Variants in FOXC2 observed in about 807,000 individuals in gnomAD.
FOXC2 encodes the protein forkhead box C2.
Under a neutral mutation model 7.2 loss-of-function variants are expected in FOXC2, and 7 were observed. That is an observed-to-expected ratio of 0.97 (90% CI 0.55 to 1.81). The LOEUF (loss-of-function observed/expected upper bound fraction) is 1.81, where lower values mean the gene tolerates loss of function less well. Ranked by LOEUF, FOXC2 falls within the 40% of genes most tolerant of loss-of-function variation. The pLI is 0.00. For synonymous variants in FOXC2, 436 were observed against 350.4 expected (o/e 1.24, Z -2.73); for missense variants, 846 against 741.2 (o/e 1.14, Z -1.64).
In FOXC2 at chr16:86,568,080, G is replaced by A; in HGVS notation, c.745G>A (p.Ala249Thr). Reference sequence around the variant, plus strand: ...CCCGCGCAGCGCGGCCTCCACGCCCGCCGGCTCCCCCGACGGCTCGCTGCC... The same window carrying A: ...CCCGCGCAGCGCGGCCTCCACGCCCACCGGCTCCCCCGACGGCTCGCTGCC... ...GSPRSAASTPAGSPDGSLPEH... is the reference protein window; with the variant it reads ...GSPRSAASTPTGSPDGSLPEH... The change falls in exon 1 of 1, where the codon GCC (alanine) becomes ACC (threonine). Residue 249 changes from alanine to threonine, a missense_variant. This residue lies in a region of FOXC2 where 640 missense variants were observed against 503.2 expected (regional missense o/e 1.27). Transcript: ENST00000649859. The surrounding 1 kb of genome is among the most constrained non-coding windows in gnomAD (Gnocchi z 5.2). 6.4e-6 allele frequency: 9 copies of A among 1,411,158 alleles called. No homozygotes were observed. The highest frequency in any genetic ancestry group is 8.3e-6 in the Non-Finnish European group (9 of 1,090,292). 87.4% of individuals were successfully genotyped at this position (1,411,158 alleles called of 1,614,324 possible).
rs1323948950 is a variant in FOXC2 at position 86,568,294 on chromosome 16, G to A, written c.959G>A (p.Gly320Asp). The change falls in exon 1 of 1, where the codon GGC becomes GAC. Residue 320 changes from glycine (G) to aspartate (D), a missense_variant. Physicochemically the swap from Gly to Asp is moderately conservative, Grantham distance 94 (BLOSUM62 -1). Transcript: ENST00000649859. This position sits in a 1 kb window ranked among gnomAD's most constrained non-coding sequence, Gnocchi z 5.2. ...PAAYGQPCAQ[G>D]LEAGAAGGYQ... ...GCCTACGGCCAGCCGTGCGCTCAGG[G>A]CCTGGAGGCCGGGGCCGCCGGGGGC... 3 of 1,263,834 alleles carry A rather than the reference G, an allele frequency of 2.4e-6. No homozygotes were observed. The highest frequency in any genetic ancestry group is 2.6e-5 in the South Asian group (1 of 37,890). 78.3% of individuals were successfully genotyped at this position (1,263,834 alleles called of 1,614,324 possible). A position where few individuals can be genotyped will look rare whatever the true frequency, so the allele number is the denominator to read the frequency against.
At position 86,568,378 on chromosome 16, in the gene FOXC2, T is replaced by C. The variant is rs1974231179; in HGVS notation, c.1043T>C (p.Met348Thr). The part of the protein sequence containing the change: ...LYTGAERPAH[M>T]CVPPALDEAL... ...ACCGGGGCCGAGCGGCCGGCGCACATGTGCGTCCCGCCCGCCCTGGACGAG... is the reference window on the plus strand; with the variant it reads ...ACCGGGGCCGAGCGGCCGGCGCACACGTGCGTCCCGCCCGCCCTGGACGAG... Residue 348 changes from methionine (M) to threonine (T), a missense_variant, in exon 1 of 1, where the codon ATG becomes ACG. Met to Thr is a moderately conservative substitution (Grantham distance 81). Coordinates refer to ENST00000649859, the MANE Select transcript of FOXC2 (RefSeq NM_005251.3). The surrounding 1 kb of genome is among the most constrained non-coding windows in gnomAD (Gnocchi z 5.2). 1.5e-6 allele frequency: 2 copies of C among 1,373,080 alleles called. No homozygotes were observed. The highest frequency in any genetic ancestry group is 1.5e-5 in the African/African-American group (1 of 66,506). 85.1% of individuals were successfully genotyped at this position (1,373,080 alleles called of 1,614,324 possible).
chr16:86,567,200 G>A lies in FOXC2; in HGVS notation c.-136G>A. On this transcript the variant is annotated 5_prime_UTR_variant, in exon 1 of 1. Transcript: ENST00000649859. ...CGCACCCTCGCCCCGGAGGCTGCCA[G>A]GAGCCCGGGGCCGCCCCTCCCGCTC... 1.0e-6 allele frequency: 1 copy of A among 998,534 alleles called. No individual in the cohort carries two copies. The highest frequency in any genetic ancestry group is 3.2e-4 in the Middle Eastern group (1 of 3,082). 61.9% of individuals were successfully genotyped at this position (998,534 alleles called of 1,614,324 possible).
Position 86,568,492 on chromosome 16 carries a change from GCCA to G in FOXC2, c.1167_1169del (p.His389del), listed in dbSNP as rs1203918511. ...CAGGAGGGCGCGCTCGCCGCCACGGGCCACCACCACCAGCACCACGGCCACCAC... is the reference window on the plus strand; with the variant it reads ...CAGGAGGGCGCGCTCGCCGCCACGGGCCACCACCAGCACCACGGCCACCAC... On this transcript the variant is annotated inframe_deletion, in exon 1 of 1. Coordinates refer to ENST00000649859, the MANE Select transcript of FOXC2 (RefSeq NM_005251.3). The surrounding 1 kb of genome is among the most constrained non-coding windows in gnomAD (Gnocchi z 5.2). 30 of 1,302,052 alleles carry G rather than the reference GCCA, an allele frequency of 2.3e-5. No individual in the cohort carries two copies. In the East Asian group the frequency reaches 7.4e-4, roughly 32 times the overall value. The allele number at this position is 1,302,052 out of a possible 1,614,324, so 80.7% of individuals were successfully genotyped here. A position where few individuals can be genotyped will look rare whatever the true frequency, so the allele number is the denominator to read the frequency against.
rs968140048 is a variant in FOXC2 at position 86,568,137 on chromosome 16, C to T, written c.802C>T (p.Pro268Ser). ...CCACGCCGCGGCGCCCAACGGGCTG[C>T]CTGGCTTCAGCGTGGAGAACATCAT... ...EHHAAAPNGL[P>S]GFSVENIMTL... is the part of the protein sequence containing the mutation. The change falls in exon 1 of 1, where the codon CCT becomes TCT. Residue 268 changes from proline (P) to serine (S), a missense_variant. Physicochemically the swap from Pro to Ser is moderately conservative, Grantham distance 74. Around this residue, in one of 3 missense-constraint regions of FOXC2, gnomAD observed 640 missense variants for 503.2 expected, o/e 1.27. Coordinates refer to ENST00000649859, the MANE Select transcript of FOXC2 (RefSeq NM_005251.3). The surrounding 1 kb of genome is among the most constrained non-coding windows in gnomAD (Gnocchi z 5.2). The T allele has an allele frequency of 5.5e-5, 74 of 1,348,900 alleles. No homozygotes were observed. The highest frequency in any genetic ancestry group is 2.2e-4 in the South Asian group (11 of 50,438). 83.6% of individuals were successfully genotyped at this position (1,348,900 alleles called of 1,614,324 possible).
rs1974242617 is a variant in FOXC2 at position 86,568,855 on chromosome 16, C to T, written c.*14C>T. 1 of 1,612,188 alleles carries T rather than the reference C, an allele frequency of 6.2e-7. No homozygotes were observed. ...ACGAAATACTGACGTGTCCCGGGAC[C>T]TCCCCTCCCCGGCCCGCTCCGGCTT... On this transcript the variant is annotated 3_prime_UTR_variant, in exon 1 of 1. Transcript: ENST00000649859. This position sits in a 1 kb window ranked among gnomAD's most constrained non-coding sequence, Gnocchi z 5.2.
In FOXC2 at chr16:86,567,870, G is replaced by C. The variant is rs370541542; in HGVS notation, c.535G>C (p.Glu179Gln). 143 of 1,610,970 alleles carry C rather than the reference G, an allele frequency of 8.9e-5. No individual in the cohort carries two copies. The highest frequency in any genetic ancestry group is 1.1e-4 in the Non-Finnish European group (130 of 1,179,890). ...KKKDVSKEKE[E>Q]RAHLKEPPPA... ...GAAGGACGTGTCCAAGGAGAAGGAG[G>C]AGCGGGCCCACCTCAAGGAGCCGCC... Residue 179 changes from glutamate to glutamine, a missense_variant, in exon 1 of 1, where the codon GAG (glutamate) becomes CAG (glutamine). Around this residue, in one of 3 missense-constraint regions of FOXC2, gnomAD observed 640 missense variants for 503.2 expected, o/e 1.27. Transcript: ENST00000649859.
In FOXC2 at chr16:86,567,578, C is replaced by T. The variant is rs758005564; in HGVS notation, c.243C>T (p.Ile81=). Residue 81 remains isoleucine, a synonymous_variant, in exon 1 of 1, where the codon ATC becomes ATT. Coordinates refer to ENST00000649859, the MANE Select transcript of FOXC2 (RefSeq NM_005251.3). ...CGCCCTACAGCTACATCGCGCTCATCACCATGGCCATCCAGAACGCGCCCG... is the reference window on the plus strand; with the variant it reads ...CGCCCTACAGCTACATCGCGCTCATTACCATGGCCATCCAGAACGCGCCCG... ...VKPPYSYIAL[I]TMAIQNAPEK... is the part of the protein sequence containing the mutation. 7 of 1,614,084 alleles carry T rather than the reference C, an allele frequency of 4.3e-6. No homozygotes were observed. The Admixed American group carries it at 1.2e-4, about 27-fold the overall frequency.
chr16:86,568,453 A>G lies in FOXC2; in HGVS notation c.1118A>G (p.Asn373Ser). Residue 373 changes from asparagine (N) to serine (S), a missense_variant, in exon 1 of 1, where the codon AAC (asparagine) becomes AGC (serine). By Grantham distance (46) the Asn-to-Ser change is conservative. Around this residue, in one of 3 missense-constraint regions of FOXC2, gnomAD observed 640 missense variants for 503.2 expected, o/e 1.27. Coordinates refer to ENST00000649859, the MANE Select transcript of FOXC2 (RefSeq NM_005251.3). This position sits in a 1 kb window ranked among gnomAD's most constrained non-coding sequence, Gnocchi z 5.2. ...SGPTSPLSAL[N>S]LAAGQEGALA... ...CCCACGTCGCCCCTGAGCGCTCTCAACCTCGCCGCCGGCCAGGAGGGCGCG... is the reference window on the plus strand; with the variant it reads ...CCCACGTCGCCCCTGAGCGCTCTCAGCCTCGCCGCCGGCCAGGAGGGCGCG... 1 of 1,356,146 alleles carries G rather than the reference A, an allele frequency of 7.4e-7. No homozygotes were observed. Among genetic ancestry groups the G allele is most frequent in the South Asian group, 1.6e-5 (1 of 61,472 alleles). The allele number at this position is 1,356,146 out of a possible 1,614,324, so 84.0% of individuals were successfully genotyped here. A position where few individuals can be genotyped will look rare whatever the true frequency, so the allele number is the denominator to read the frequency against.
Position 86,568,562 on chromosome 16 carries a change from G to C in FOXC2, c.1227G>C (p.Gln409His). 2.0e-6 allele frequency: 3 copies of C among 1,528,556 alleles called. No homozygotes were observed. Among genetic ancestry groups the C allele is most frequent in the Non-Finnish European group, 2.6e-6 (3 of 1,137,930 alleles). 94.7% of individuals were successfully genotyped at this position (1,528,556 alleles called of 1,614,324 possible). The change falls in exon 1 of 1, where the codon CAG becomes CAC. Residue 409 changes from glutamine (Q) to histidine (H), a missense_variant. Physicochemically the swap from Gln to His is conservative, Grantham distance 24. Coordinates refer to ENST00000649859, the MANE Select transcript of FOXC2 (RefSeq NM_005251.3). This position sits in a 1 kb window ranked among gnomAD's most constrained non-coding sequence, Gnocchi z 5.2. ...CGCCCCCGCCGGCTCCCCAGCCCCA[G>C]CCGACGCCGCAGCCCGGGGCCGCCG... ...APPPPPAPQP[Q>H]PTPQPGAAAA...
Position 86,567,460 on chromosome 16 carries a change from C to G in FOXC2, c.125C>G (p.Ser42Cys), listed in dbSNP as rs1007233011. The G allele has an allele frequency of 6.2e-7, 1 of 1,613,480 alleles. No individual in the cohort carries two copies. The highest frequency in any genetic ancestry group is 8.5e-7 in the Non-Finnish European group (1 of 1,179,958). ...GGMASPMGVY[S>C]GHPEQYSAGM... is the part of the protein sequence containing the mutation. Reference sequence around the variant, plus strand: ...ATGGCCAGCCCCATGGGCGTCTATTCCGGCCACCCGGAGCAGTACAGCGCG... The same window carrying G: ...ATGGCCAGCCCCATGGGCGTCTATTGCGGCCACCCGGAGCAGTACAGCGCG... The change falls in exon 1 of 1, where the codon TCC becomes TGC. Residue 42 changes from serine to cysteine, a missense_variant. Coordinates refer to ENST00000649859, the MANE Select transcript of FOXC2 (RefSeq NM_005251.3).
chr16:86,567,567 A>C lies in FOXC2; in HGVS notation c.232A>C (p.Ile78Leu). The C allele has an allele frequency of 6.2e-7, 1 of 1,614,128 alleles. No individual in the cohort carries two copies. The highest frequency in any genetic ancestry group is 8.5e-7 in the Non-Finnish European group (1 of 1,180,012). Residue 78 changes from isoleucine (I) to leucine (L), a missense_variant, in exon 1 of 1, where the codon ATC (isoleucine) becomes CTC (leucine). This residue lies in a region of FOXC2 where 154 missense variants were observed against 134.2 expected (regional missense o/e 1.15). Transcript: ENST00000649859. The stretch of plus-strand genomic sequence containing the variant: ...CCTGGTGAAGCCGCCCTACAGCTAC[A>C]TCGCGCTCATCACCATGGCCATCCA... ...KDLVKPPYSYIALITMAIQNA... is the reference protein window; with the variant it reads ...KDLVKPPYSYLALITMAIQNA...
Position 86,568,594 on chromosome 16 carries a change from A to G in FOXC2, c.1259A>G (p.Gln420Arg). The G allele has an allele frequency of 6.2e-7, 1 of 1,605,582 alleles. No homozygotes were observed. Among genetic ancestry groups the G allele is most frequent in the Non-Finnish European group, 8.5e-7 (1 of 1,176,366 alleles). Residue 420 changes from glutamine to arginine, a missense_variant, in exon 1 of 1, where the codon CAG becomes CGG. This residue lies in a region of FOXC2 where 640 missense variants were observed against 503.2 expected (regional missense o/e 1.27). Coordinates refer to ENST00000649859, the MANE Select transcript of FOXC2 (RefSeq NM_005251.3). This position sits in a 1 kb window ranked among gnomAD's most constrained non-coding sequence, Gnocchi z 5.2. ...CCGCAGCCCGGGGCCGCCGCGGCGC[A>G]GGCGGCCTCCTGGTATCTCAACCAC... ...PTPQPGAAAA[Q>R]AASWYLNHSG...
rs1391380233 is a variant in FOXC2, at chr16:86,569,220, A to G, written c.*379A>G. 3.8e-5 allele frequency: 14 copies of G among 363,784 alleles called. No individual in the cohort carries two copies. The highest frequency in any genetic ancestry group is 5.4e-5 in the Non-Finnish European group (10 of 183,670). 22.5% of individuals were successfully genotyped at this position (363,784 alleles called of 1,614,324 possible). On this transcript the variant is annotated 3_prime_UTR_variant, in exon 1 of 1. Transcript: ENST00000649859. The stretch of plus-strand genomic sequence containing the variant: ...CTAGTGACTTTCTGTAGGGGTCCCC[A>G]TAGGTGTATGGGGGTCTCTATAGAT...
Position 86,567,675 on chromosome 16 carries a change from C to G in FOXC2, c.340C>G (p.Gln114Glu). The change falls in exon 1 of 1, where the codon CAG (glutamine) becomes GAG (glutamate). Residue 114 changes from glutamine (Q) to glutamate (E), a missense_variant. Gln to Glu is a conservative substitution (Grantham distance 29). Coordinates refer to ENST00000649859, the MANE Select transcript of FOXC2 (RefSeq NM_005251.3). ...DRFPFYRENK[Q>E]GWQNSIRHNL... ...CTTCCCCTTCTACCGGGAGAACAAG[C>G]AGGGCTGGCAGAACAGCATCCGCCA... 6.2e-7 allele frequency: 1 copy of G among 1,614,162 alleles called. No individual in the cohort carries two copies. Among genetic ancestry groups the G allele is most frequent in the Non-Finnish European group, 8.5e-7 (1 of 1,180,026 alleles).
At position 86,567,617 on chromosome 16, in the gene FOXC2, C is replaced by G. The variant is rs759417459; in HGVS notation, c.282C>G (p.Thr94=). ...AIQNAPEKKI[T]LNGIYQFIMD... ...AGAACGCGCCCGAGAAGAAGATCAC[C>G]TTGAACGGCATCTACCAGTTCATCA... The change falls in exon 1 of 1, where the codon ACC becomes ACG. Residue 94 remains threonine, a synonymous_variant. Coordinates refer to ENST00000649859, the MANE Select transcript of FOXC2 (RefSeq NM_005251.3). 5 of 1,614,156 alleles carry G rather than the reference C, an allele frequency of 3.1e-6. No homozygotes were observed. In the African/African-American group the frequency reaches 5.3e-5, roughly 17 times the overall value.
Position 86,568,283 on chromosome 16 carries a change from G to T in FOXC2, c.948G>T (p.Pro316=), listed in dbSNP as rs1193550776. The T allele has an allele frequency of 1.6e-6, 2 of 1,256,440 alleles. No individual in the cohort carries two copies. Among genetic ancestry groups the T allele is most frequent in the East Asian group, 3.4e-5 (1 of 29,572 alleles). The allele number at this position is 1,256,440 out of a possible 1,614,324, so 77.8% of individuals were successfully genotyped here. A position where few individuals can be genotyped will look rare whatever the true frequency, so the allele number is the denominator to read the frequency against. Residue 316 remains proline, a synonymous_variant, in exon 1 of 1, where the codon CCG becomes CCT. Coordinates refer to ENST00000649859, the MANE Select transcript of FOXC2 (RefSeq NM_005251.3). The surrounding 1 kb of genome is among the most constrained non-coding windows in gnomAD (Gnocchi z 5.2). Reference sequence around the variant, plus strand: ...CGCCGCCCGCCGCCTACGGCCAGCCGTGCGCTCAGGGCCTGGAGGCCGGGG... The same window carrying T: ...CGCCGCCCGCCGCCTACGGCCAGCCTTGCGCTCAGGGCCTGGAGGCCGGGG... ...AAAPPAAYGQ[P]CAQGLEAGAA...
chr16:86,567,287 C>A lies in FOXC2; in HGVS notation c.-49C>A. ...GCTCTCAGGGCCCCCCTCGCTCCCC[C>A]GGCCGCAGTCCGTGCGCGAGGGCGC... On this transcript the variant is annotated 5_prime_UTR_variant, in exon 1 of 1. Coordinates refer to ENST00000649859, the MANE Select transcript of FOXC2 (RefSeq NM_005251.3). The A allele has an allele frequency of 6.2e-7, 1 of 1,608,334 alleles. No homozygotes were observed. The highest frequency in any genetic ancestry group is 1.8e-4 in the Middle Eastern group (1 of 5,656).
At position 86,567,639 on chromosome 16, in the gene FOXC2, A is replaced by G. The variant is rs1974216118; in HGVS notation, c.304A>G (p.Ile102Val). 1 of 1,614,046 alleles carries G rather than the reference A, an allele frequency of 6.2e-7. No individual in the cohort carries two copies. Among genetic ancestry groups the G allele is most frequent in the Admixed American group, 1.7e-5 (1 of 60,008 alleles). ...CACCTTGAACGGCATCTACCAGTTCATCATGGACCGCTTCCCCTTCTACCG... is the reference window on the plus strand; with the variant it reads ...CACCTTGAACGGCATCTACCAGTTCGTCATGGACCGCTTCCCCTTCTACCG... ...KITLNGIYQFIMDRFPFYREN... is the reference protein window; with the variant it reads ...KITLNGIYQFVMDRFPFYREN... Residue 102 changes from isoleucine (I) to valine (V), a missense_variant, in exon 1 of 1, where the codon ATC becomes GTC. Ile to Val is a conservative substitution (Grantham distance 29). Around this residue, in one of 3 missense-constraint regions of FOXC2, gnomAD observed 52 missense variants for 103.8 expected, o/e 0.50. Transcript: ENST00000649859.
Sources: allele counts gnomAD v4.1 joint callset, GRCh38; gene constraint gnomAD v4.1.1; regional missense constraint gnomAD v4.1.1; non-coding constraint Gnocchi (gnomAD v3.1); transcripts MANE v1.5; gene names NCBI Gene and HGNC (gene_info 2026-07-23, HGNC 2026-07-21).